CRISPLD2: variants seen among roughly 807,000 people sequenced by gnomAD.
CRISPLD2 encodes cysteine rich secretory protein LCCL domain containing 2.
A neutral mutation model predicts 71.1 loss-of-function variants in CRISPLD2; 47 were observed. That is an observed-to-expected ratio of 0.66 (90% CI 0.52 to 0.84). CRISPLD2 has a LOEUF of 0.84. Among genes scored for constraint, CRISPLD2 ranks in the 40% least tolerant of loss-of-function variants. The pLI, the probability that CRISPLD2 is intolerant of heterozygous loss-of-function variation, is 0.00. For missense variants in CRISPLD2, 830 were observed against 651.1 expected (o/e 1.27, Z -2.99); for synonymous variants, 317 against 250.1 (o/e 1.27, Z -2.52).
At chr16:84,903,780 G>A (rs2071776617) in intron 14 of CRISPLD2, among the ~76,000 whole-genome samples, 1 of 152,156 alleles carries the variant, frequency 6.6e-6, no homozygotes, top group South Asian at 2.1e-4. Context: ...AGCTGTTTCA[G>A]GACTCCAGAA....
intron 14 of CRISPLD2, among the ~76,000 whole-genome samples, chr16:84,894,708 A>G (rs899732819): frequency 6.6e-6 from 1 of 152,236 alleles, no homozygotes; most frequent in Non-Finnish European, 1.5e-5. Flanking sequence ...TATGTAATCA[A>G]TAGAAAATTA....
At chr16:84,891,888 C>T (rs917615981) in intron 14 of CRISPLD2, among the ~76,000 whole-genome samples, 1 of 152,220 alleles carries the variant, frequency 6.6e-6, no homozygotes, top group Non-Finnish European at 1.5e-5. Flanking sequence ...TCGCCACTGT[C>T]GCTGTCTTTG....
chr16:84,859,025 C>T (rs763314664), intron 6 of CRISPLD2, among the ~76,000 whole-genome samples: 1 of 152,146 alleles, frequency 6.6e-6, no homozygotes, highest in Non-Finnish European at 1.5e-5. Context: ...CTTTCAAGTC[C>T]TTGATGGTGG....
Position 84,872,492 on chromosome 16 carries a change from C to A in CRISPLD2, c.965C>A (p.Thr322Asn). 6.2e-7 allele frequency: 1 copy of A among 1,613,386 alleles called. No individual in the cohort carries two copies. Among genetic ancestry groups the A allele is most frequent in the Non-Finnish European group, 8.5e-7 (1 of 1,179,632 alleles). The change falls in exon 9 of 15, where the codon ACT becomes AAT. Residue 322 changes from threonine (T) to asparagine (N), a missense_variant. Transcript: ENST00000262424. Reference protein sequence around the residue: ...CLNHKAKIFGTLFYESSSSIC... With the variant: ...CLNHKAKIFGNLFYESSSSIC... ...AACCACAAGGCGAAGATCTTTGGAACTCTGTTCTATGAAAGCGTGAGTGTG... is the reference window on the plus strand; with the variant it reads ...AACCACAAGGCGAAGATCTTTGGAAATCTGTTCTATGAAAGCGTGAGTGTG...
chr16:84,885,188 C>T (rs1416295487), intron 13 of CRISPLD2, among the ~76,000 whole-genome samples: 9 of 152,182 alleles, frequency 5.9e-5, no homozygotes, highest in Non-Finnish European at 1.0e-4. Flanking sequence ...AGTGTGAGAA[C>T]GTATCCAAGC....
chr16:84,883,833 T>C (rs1476423515), intron 13 of CRISPLD2, among the ~76,000 whole-genome samples: 1 of 150,690 alleles, frequency 6.6e-6, no homozygotes, highest in African/African-American at 2.4e-5. Flanking sequence ...AAGCCTGGGG[T>C]CTTATTTAAT....
chr16:84,869,051 G>T, intron 8 of CRISPLD2, 140 bp downstream of exon 8: 1 of 709,426 alleles, frequency 1.4e-6, no homozygotes, highest in Non-Finnish European at 2.3e-6. Flanking sequence ...CAGAACAGGG[G>T]TTAGGGCTGG....
intron 1 of CRISPLD2, among the ~76,000 whole-genome samples, chr16:84,831,971 G>T (rs1209073262): frequency 2.0e-5 from 3 of 152,244 alleles, no homozygotes; most frequent in African/African-American, 7.2e-5. Flanking sequence ...CTGACCTCAG[G>T]TGATCCACCC....
chr16:84,880,326 T>C (rs2071557221), intron 12 of CRISPLD2, among the ~76,000 whole-genome samples, 183 bp from the exon 13 acceptor site: 3 of 152,168 alleles, frequency 2.0e-5, no homozygotes, highest in Admixed American at 2.0e-4. Flanking sequence ...GAAGCAAAAA[T>C]AGTAATATCT....
At chr16:84,825,061 GCCA>G (rs1192257084) in intron 1 of CRISPLD2, among the ~76,000 whole-genome samples, 5 of 151,920 alleles carry the variant, frequency 3.3e-5, no homozygotes, top group East Asian at 1.9e-4. Flanking sequence ...CCGAGATCAC[GCCA>G]CCACTGCACT....
intron 6 of CRISPLD2, among the ~76,000 whole-genome samples, chr16:84,866,168 C>T (rs947029935): frequency 6.6e-6 from 1 of 152,038 alleles, no homozygotes; most frequent in Non-Finnish European, 1.5e-5. Context: ...CCAGTGAAAA[C>T]CCAGGGACAG....
chr16:84,857,864 G>A (rs1250881172), intron 6 of CRISPLD2, among the ~76,000 whole-genome samples: 1 of 152,188 alleles, frequency 6.6e-6, no homozygotes, highest in Non-Finnish European at 1.5e-5. Context: ...GGACTTGCTT[G>A]AGCTCAATCA....
At chr16:84,852,554 G>A (rs1026715075) in intron 5 of CRISPLD2, among the ~76,000 whole-genome samples, 2 of 152,184 alleles carry the variant, frequency 1.3e-5, no homozygotes, top group Non-Finnish European at 2.9e-5. Context: ...ATATTACTGC[G>A]TGCTGTCCAT....
chr16:84,906,085 C>A (rs1416001290), intron 14 of CRISPLD2, among the ~76,000 whole-genome samples: 3 of 152,096 alleles, frequency 2.0e-5, no homozygotes, highest in Non-Finnish European at 4.4e-5. Context: ...TTTTACTAGC[C>A]ATGGGACCCT....
chr16:84,832,472 G>A (rs1313799308), intron 1 of CRISPLD2, among the ~76,000 whole-genome samples: 1 of 152,272 alleles, frequency 6.6e-6, no homozygotes, highest in East Asian at 1.9e-4. Context: ...GCTGGGAGCA[G>A]GAGGGGGCCA....
chr16:84,869,065 G>T (rs1035614961), intron 8 of CRISPLD2, among the ~76,000 whole-genome samples, 154 bp downstream of exon 8: 2 of 152,248 alleles, frequency 1.3e-5, no homozygotes, highest in Non-Finnish European at 1.5e-5. Flanking sequence ...GGGCTGGGCA[G>T]TGTCTGGGCA....
chr16:84,854,729 G>A lies in CRISPLD2; in HGVS notation c.609G>A (p.Lys203=), dbSNP rs760883573. The A allele has an allele frequency of 6.8e-6, 11 of 1,613,586 alleles. No homozygotes were observed. Among genetic ancestry groups the A allele is most frequent in the South Asian group, 1.1e-5 (1 of 91,062 alleles). ...AVYFVCNYSP[K]GNWIGEAPYK... ...CGGTTGTTTTTGGGTCTGTCCTCAGGGGGAACTGGATTGGAGAAGCCCCCT... is the reference window on the plus strand; with the variant it reads ...CGGTTGTTTTTGGGTCTGTCCTCAGAGGGAACTGGATTGGAGAAGCCCCCT... Residue 203 remains lysine (K), a splice_region_variant and synonymous_variant, in exon 6 of 15, where the codon AAG becomes AAA. Transcript: ENST00000262424.
intron 14 of CRISPLD2, among the ~76,000 whole-genome samples, chr16:84,898,790 T>C (rs1439606431): frequency 6.6e-6 from 1 of 152,202 alleles, no homozygotes; most frequent in African/African-American, 2.4e-5. Context: ...CTTTGCTGAG[T>C]TGAGCAATTG....
chr16:84,843,228 G>A (rs960309862), intron 2 of CRISPLD2, among the ~76,000 whole-genome samples: 1 of 152,162 alleles, frequency 6.6e-6, no homozygotes, highest in Non-Finnish European at 1.5e-5. Context: ...TGAAAGGATG[G>A]GGTGGCAGGG....
Sources: gnomAD v4.1 joint callset for allele counts (sites outside exome capture counted in the v4.1 genomes callset) on GRCh38, gnomAD v4.1.1 for gene constraint, MANE v1.5 for transcripts, NCBI Gene and HGNC (gene_info 2026-07-23, HGNC 2026-07-21) for gene names.